Variants in PIGF observed in about 807,000 individuals in gnomAD.
PIGF encodes the protein GPI ethanolamine phosphate transferase, stabilizing subunit.
PIGF carries 23 observed loss-of-function variants against 26.0 expected under a neutral mutation model. That is an observed-to-expected ratio of 0.88 (90% confidence interval 0.64 to 1.25). PIGF has a LOEUF of 1.25. Among genes scored for constraint, PIGF ranks in the 50% most tolerant of loss-of-function variants. The probability of loss-of-function intolerance (pLI) is 0.00; values close to 1 mark genes in which losing one functional copy is unlikely to be tolerated. For missense variants in PIGF, 278 were observed against 249.9 expected (o/e 1.11, Z -0.76); for synonymous variants, 93 against 92.6 (o/e 1.00, Z -0.03).
At chr2:46,591,736 G>A in intron 5 of PIGF, 1 of 1,147,262 alleles carries the variant, frequency 8.7e-7, no homozygotes. Context: ...AGTGACCTTG[G>A]GAATGTTACA....
At position 46,612,316 on chromosome 2, in the gene PIGF, C is replaced by T; in HGVS notation, c.349G>A (p.Val117Ile). The T allele has an allele frequency of 6.9e-7, 1 of 1,455,974 alleles. No homozygotes were observed. Among genetic ancestry groups the T allele is most frequent in the Non-Finnish European group, 9.2e-7 (1 of 1,091,328 alleles). 90.2% of individuals were successfully genotyped at this position (1,455,974 alleles called of 1,614,324 possible). ...ACAGTAGTAAAAGTAGACAAAATAA[C>T]TGCAAATAAAAATGTTTCCAATGCC... is the stretch of plus-strand genomic sequence containing the variant. ...ELALETFLFAVILSTFTTVPC... is the reference protein window; with the variant it reads ...ELALETFLFAIILSTFTTVPC... The change falls in exon 4 of 6, where the codon GTT becomes ATT. Residue 117 changes from valine to isoleucine, a missense_variant. Transcript: ENST00000281382.
At chr2:46,603,373 A>G (rs1424862916) in intron 4 of PIGF, among the ~76,000 whole-genome samples, 1 of 152,096 alleles carries the variant, frequency 6.6e-6, no homozygotes, top group Non-Finnish European at 1.5e-5. Context: ...TAAAATTTAT[A>G]TGGAACCACA....
At position 46,581,172 on chromosome 2, in the gene PIGF, T is replaced by G. The variant is rs553695421; in HGVS notation, c.*306A>C. On this transcript the variant is annotated 3_prime_UTR_variant, in exon 6 of 6. Transcript: ENST00000281382. ...CTATACCCAGACCTTTTATAGGTAA[T>G]GAAGCAGTTCAAAACTTGAAAGAAA... is the stretch of plus-strand genomic sequence containing the variant. 2 of 1,118,780 alleles carry G rather than the reference T, an allele frequency of 1.8e-6. No individual in the cohort carries two copies. The highest frequency in any genetic ancestry group is 1.6e-5 in the African/African-American group (1 of 63,552). 69.3% of individuals were successfully genotyped at this position (1,118,780 alleles called of 1,614,324 possible).
intron 4 of PIGF, among the ~76,000 whole-genome samples, chr2:46,607,355 G>A (rs527518449): frequency 1.8e-4 from 28 of 152,262 alleles, no homozygotes; most frequent in African/African-American, 6.7e-4. Context: ...AAAGTGCTAT[G>A]TTTATTGTAA....
In PIGF at chr2:46,612,629, C is replaced by T. The variant is rs1487895536; in HGVS notation, c.321-285G>A. 5.9e-5 allele frequency among the ~76,000 whole-genome samples: 9 copies of T among 151,444 alleles called. No individual in the cohort carries two copies. In the Admixed American group the frequency reaches 6.0e-4, roughly 10 times the overall value. On this transcript the variant is annotated intron_variant, in intron 3 of 5. Coordinates refer to ENST00000281382, the MANE Select transcript of PIGF (RefSeq NM_002643.4). ...CAAACACAAACAAACAAACAAAATC[C>T]ATTTCTAGATAGTTAGCTTTCTGCT...
intron 5 of PIGF, among the ~76,000 whole-genome samples, chr2:46,585,923 G>A (rs2104063859): frequency 6.6e-6 from 1 of 152,240 alleles, no homozygotes; most frequent in Non-Finnish European, 1.5e-5. Flanking sequence ...ACAGGTGCCT[G>A]CCACCACGTC....
chr2:46,604,492 A>T (rs776976525), intron 4 of PIGF, among the ~76,000 whole-genome samples: 1 of 151,960 alleles, frequency 6.6e-6, no homozygotes, highest in Admixed American at 6.6e-5. Flanking sequence ...AAAAAAAAAA[A>T]GTGATACATA....
intron 3 of PIGF, among the ~76,000 whole-genome samples, chr2:46,612,681 C>G (rs1444540844): frequency 6.6e-6 from 1 of 152,088 alleles, no homozygotes; most frequent in East Asian, 1.9e-4. Context: ...ACTTTCTCTA[C>G]AACTAGTGGT....
intron 5 of PIGF, among the ~76,000 whole-genome samples, chr2:46,586,839 T>G (rs1358556920): frequency 6.6e-6 from 1 of 152,216 alleles, no homozygotes; most frequent in Non-Finnish European, 1.5e-5. Flanking sequence ...AATCTACTCA[T>G]TGGGATACAT....
chr2:46,616,097 G>T (rs1477358773), intron 1 of PIGF: 1 of 152,066 alleles, frequency 6.6e-6, no homozygotes, highest in Non-Finnish European at 1.5e-5. Context: ...GAGAAAAGCA[G>T]AAAGGCGAAC....
chr2:46,594,259 C>T (rs1450579374), intron 4 of PIGF, among the ~76,000 whole-genome samples: 1 of 152,172 alleles, frequency 6.6e-6, no homozygotes. Flanking sequence ...TTAACACACA[C>T]CTCCTCTATA....
At position 46,617,038 on chromosome 2, in the gene PIGF, C is replaced by G. The variant is rs1175733271; in HGVS notation, c.-90G>C. The G allele has an allele frequency of 1.6e-6, 1 of 606,894 alleles. No individual in the cohort carries two copies. Among genetic ancestry groups the G allele is most frequent in the Non-Finnish European group, 2.9e-6 (1 of 342,058 alleles). The allele number at this position is 606,894 out of a possible 1,614,324, so 37.6% of individuals were successfully genotyped here. A position where few individuals can be genotyped will look rare whatever the true frequency, so the allele number is the denominator to read the frequency against. On this transcript the variant is annotated 5_prime_UTR_variant, in exon 1 of 6. Transcript: ENST00000281382. ...CCTACCATCAGGTACGACGGGCGGC[C>G]CAGGCCCACGCGCAGGCGCAGGGCT...
In PIGF at chr2:46,589,682, T is replaced by C. The variant is rs1669671457; in HGVS notation, c.546+2793A>G. 6.6e-6 allele frequency among the ~76,000 whole-genome samples: 1 copy of C among 152,040 alleles called. No individual in the cohort carries two copies. ...AGAATCTCTTAATACATGTTCTATT[T>C]TAGATAATAAAGTGTATACTGTATT... On this transcript the variant is annotated intron_variant, in intron 5 of 5. Coordinates refer to ENST00000281382, the MANE Select transcript of PIGF (RefSeq NM_002643.4). The surrounding 1 kb of genome is among the most constrained non-coding windows in gnomAD (Gnocchi z 4.7).
At chr2:46,590,120 T>C (rs887778971) in intron 5 of PIGF, among the ~76,000 whole-genome samples, 8 of 152,112 alleles carry the variant, frequency 5.3e-5, no homozygotes, top group African/African-American at 1.9e-4. Flanking sequence ...TGAAACACTC[T>C]TAATGGAAAC....
chr2:46,610,516 G>A (rs1670376150), intron 4 of PIGF, among the ~76,000 whole-genome samples: 1 of 144,082 alleles, frequency 6.9e-6, no homozygotes, highest in Non-Finnish European at 1.5e-5. Flanking sequence ...AGGGAAAACA[G>A]TACTGATTCC....
In PIGF at chr2:46,588,301, G is replaced by GA. The variant is rs1450486845; in HGVS notation, c.546+4173dup. ...CTACCAACTGAAAGACTGCTGGGCA[G>GA]AAAAAATAAAACAACAAACTGAGAC... On this transcript the variant is annotated intron_variant, in intron 5 of 5. Transcript: ENST00000281382. The surrounding 1 kb of genome is among the most constrained non-coding windows in gnomAD (Gnocchi z 4.1). 3 of 1,252,682 alleles carry GA rather than the reference G, an allele frequency of 2.4e-6. No individual in the cohort carries two copies. The highest frequency in any genetic ancestry group is 3.2e-6 in the Non-Finnish European group (3 of 935,318). The allele number at this position is 1,252,682 out of a possible 1,614,324, so 77.6% of individuals were successfully genotyped here.
intron 3 of PIGF, among the ~76,000 whole-genome samples, chr2:46,613,193 T>C (rs1354163482): frequency 6.6e-6 from 1 of 152,040 alleles, no homozygotes; most frequent in Non-Finnish European, 1.5e-5. Flanking sequence ...GTAAGAAACA[T>C]TCATGAATTT....
intron 5 of PIGF, among the ~76,000 whole-genome samples, chr2:46,590,740 A>G (rs893347823): frequency 2.0e-5 from 3 of 152,190 alleles, no homozygotes; most frequent in African/African-American, 4.8e-5. Flanking sequence ...GATGACTTCT[A>G]TAAGATGTCA....
chr2:46,596,529 C>T (rs1377797880), intron 4 of PIGF, among the ~76,000 whole-genome samples: 1 of 151,996 alleles, frequency 6.6e-6, no homozygotes, highest in Non-Finnish European at 1.5e-5. Flanking sequence ...TATGTGACAT[C>T]TTTAAAGTAA....
Sources: allele counts gnomAD v4.1 joint callset (sites outside exome capture counted in the v4.1 genomes callset), GRCh38; gene constraint gnomAD v4.1.1; non-coding constraint Gnocchi (gnomAD v3.1); transcripts MANE v1.5; gene names NCBI Gene and HGNC (gene_info 2026-07-23, HGNC 2026-07-21).